Variants in CACNA2D2 observed in about 807,000 individuals in gnomAD.
CACNA2D2 encodes the protein calcium voltage-gated channel auxiliary subunit alpha2delta 2.
Under a neutral mutation model 166.4 loss-of-function variants are expected in CACNA2D2, and 48 were observed. That is an observed-to-expected ratio of 0.29 (90% CI 0.23 to 0.37). The LOEUF is 0.37. CACNA2D2 is among the 10% of genes least tolerant of loss of function. The pLI is 1.00. For synonymous variants in CACNA2D2, 561 were observed against 573.7 expected (o/e 0.98, Z 0.32); for missense variants, 1,122 against 1,433.0 (o/e 0.78, Z 3.50).
intron 2 of CACNA2D2, among the ~76,000 whole-genome samples, chr3:50,468,349 C>T (rs1359452068): frequency 6.8e-6 from 1 of 146,350 alleles, no homozygotes; most frequent in East Asian, 2.1e-4. Flanking sequence ...CCCTAGGGAC[C>T]TCTGAAGAGA....
Position 50,381,269 on chromosome 3 carries a change from C to T in CACNA2D2, c.653-143G>A, listed in dbSNP as rs940355406. 11 of 892,470 alleles carry T rather than the reference C, an allele frequency of 1.2e-5. No individual in the cohort carries two copies. In the Admixed American group the frequency reaches 2.5e-4, roughly 20 times the overall value. The allele number at this position is 892,470 out of a possible 1,614,324, so 55.3% of individuals were successfully genotyped here. ...CCAGGCCCTCCCTATTTCCTAGGGC[C>T]CAGCTGGGGCTGCCCCAGCTCCTCC... On this transcript the variant is annotated intron_variant, in intron 6 of 37. Coordinates refer to ENST00000424201, the MANE Select transcript of CACNA2D2 (RefSeq NM_006030.4).
chr3:50,461,831 G>T (rs1709599692), intron 2 of CACNA2D2, among the ~76,000 whole-genome samples: 1 of 152,056 alleles, frequency 6.6e-6, no homozygotes, highest in African/African-American at 2.4e-5. Flanking sequence ...TGAGGGAGAA[G>T]TCTAAGGAAG....
At chr3:50,440,428 C>A (rs1250392111) in intron 2 of CACNA2D2, among the ~76,000 whole-genome samples, 4 of 152,274 alleles carry the variant, frequency 2.6e-5, no homozygotes, top group Admixed American at 6.5e-5. Context: ...CCATCCCAGG[C>A]GGGGTGGCCC....
chr3:50,386,579 C>T (rs991168181), intron 5 of CACNA2D2, among the ~76,000 whole-genome samples: 4 of 152,222 alleles, frequency 2.6e-5, no homozygotes, highest in Non-Finnish European at 4.4e-5. Context: ...CGCTCCGTCT[C>T]GGGCCCTGTG....
At chr3:50,383,150 T>C (rs1000417108) in intron 6 of CACNA2D2, among the ~76,000 whole-genome samples, 1 of 152,198 alleles carries the variant, frequency 6.6e-6, no homozygotes, top group Non-Finnish European at 1.5e-5. Flanking sequence ...GCTCCTGTTT[T>C]AATTAGTGTG....
chr3:50,394,087 G>T (rs1706021251), intron 4 of CACNA2D2, 22 bp downstream of exon 4: 2 of 1,612,392 alleles, frequency 1.2e-6, no homozygotes, highest in Non-Finnish European at 1.7e-6. Flanking sequence ...CTAAGTGCTG[G>T]GCAGGGTGCT....
At chr3:50,474,821 C>T (rs560869373) in intron 2 of CACNA2D2, among the ~76,000 whole-genome samples, 14 of 152,314 alleles carry the variant, frequency 9.2e-5, no homozygotes, top group East Asian at 5.8e-4. Context: ...ACTCCTGTTC[C>T]GGAACAGCTT....
chr3:50,467,746 C>T (rs72938712), intron 2 of CACNA2D2, among the ~76,000 whole-genome samples: 4,911 of 152,302 alleles, frequency 0.032, 257 homozygotes, highest in African/African-American at 0.11. Flanking sequence ...GTCTCTCCCC[C>T]TCTCCATGGA....
In CACNA2D2 at chr3:50,366,925, G is replaced by C; in HGVS notation, c.2501-6C>G. 1 of 1,613,760 alleles carries C rather than the reference G, an allele frequency of 6.2e-7. No individual in the cohort carries two copies. Among genetic ancestry groups the C allele is most frequent in the East Asian group, 2.2e-5 (1 of 44,882 alleles). On this transcript the variant is annotated splice_region_variant and splice_polypyrimidine_tract_variant and intron_variant, in intron 28 of 37. Transcript: ENST00000424201. This position sits in a 1 kb window ranked among gnomAD's most constrained non-coding sequence, Gnocchi z 5.9. ...GTCCAGCTTGACGCCCACCACTTTG[G>C]GGGAGAGCAAGGGACCATCAGTGCT...
chr3:50,431,825 A>T (rs1472822946), intron 3 of CACNA2D2, among the ~76,000 whole-genome samples: 1 of 151,988 alleles, frequency 6.6e-6, no homozygotes. Flanking sequence ...TCTCTACTAA[A>T]AATACATAAA....
chr3:50,478,359 T>A (rs1179966708), intron 1 of CACNA2D2, among the ~76,000 whole-genome samples: 1 of 152,200 alleles, frequency 6.6e-6, no homozygotes, highest in African/African-American at 2.4e-5. Context: ...CCCTGGGGGC[T>A]AATGTTGGGA....
rs763616579 is a variant in CACNA2D2 at position 50,379,874 on chromosome 3, T to C, written c.894-50A>G. ...GGAGGAGCCAGGGGAACCTCACGTG[T>C]TCTCCTGCCCATCCCCCAAGATGTT... On this transcript the variant is annotated intron_variant, in intron 9 of 37. Coordinates refer to ENST00000424201, the MANE Select transcript of CACNA2D2 (RefSeq NM_006030.4). The surrounding 1 kb of genome is among the most constrained non-coding windows in gnomAD (Gnocchi z 6.5). 3.1e-6 allele frequency: 5 copies of C among 1,612,118 alleles called. No homozygotes were observed. In the Admixed American group the frequency reaches 6.7e-5, roughly 21 times the overall value.
At chr3:50,483,204 G>T (rs2107123897) in intron 1 of CACNA2D2, among the ~76,000 whole-genome samples, 1 of 152,290 alleles carries the variant, frequency 6.6e-6, no homozygotes, top group East Asian at 1.9e-4. Context: ...TTCAGTTGAA[G>T]GGACCCTAGA....
At chr3:50,384,562 C>A (rs1272024790) in intron 5 of CACNA2D2, among the ~76,000 whole-genome samples, 1 of 151,954 alleles carries the variant, frequency 6.6e-6, no homozygotes, top group Admixed American at 6.6e-5. Flanking sequence ...CCCCTGCCCA[C>A]CCCACCCATC....
rs1458547411 is a variant in CACNA2D2, at chr3:50,364,583, A to C, written c.*83T>G. ...TTCAGTGAGGGAGGGACGAGGCTCTAAGGCGGGGAGTGTGGGGCAGGAGGG... is the reference window on the plus strand; with the variant it reads ...TTCAGTGAGGGAGGGACGAGGCTCTCAGGCGGGGAGTGTGGGGCAGGAGGG... On this transcript the variant is annotated 3_prime_UTR_variant, in exon 38 of 38. Coordinates refer to ENST00000424201, the MANE Select transcript of CACNA2D2 (RefSeq NM_006030.4). 4.3e-6 allele frequency: 6 copies of C among 1,406,006 alleles called. No individual in the cohort carries two copies. The highest frequency in any genetic ancestry group is 5.6e-6 in the Non-Finnish European group (6 of 1,068,744). The allele number at this position is 1,406,006 out of a possible 1,614,324, so 87.1% of individuals were successfully genotyped here.
intron 3 of CACNA2D2, among the ~76,000 whole-genome samples, chr3:50,398,242 G>T (rs1706259728): frequency 1.3e-5 from 2 of 152,022 alleles, no homozygotes; most frequent in Non-Finnish European, 2.9e-5. Flanking sequence ...GTGGTTCCTT[G>T]CTTGGGCTCT....
At chr3:50,420,558 T>C (rs1284893228) in intron 3 of CACNA2D2, among the ~76,000 whole-genome samples, 1 of 152,188 alleles carries the variant, frequency 6.6e-6, no homozygotes, top group Non-Finnish European at 1.5e-5. Context: ...ACATACCCTG[T>C]GCATAGTCCA....
At chr3:50,501,839 C>G (rs987726867) in intron 1 of CACNA2D2, among the ~76,000 whole-genome samples, 1 of 152,314 alleles carries the variant, frequency 6.6e-6, no homozygotes, top group East Asian at 1.9e-4. Flanking sequence ...AACGCATCCA[C>G]CAGCCCTGAA....
At chr3:50,482,228 C>T (rs916462535) in intron 1 of CACNA2D2, among the ~76,000 whole-genome samples, 4 of 152,180 alleles carry the variant, frequency 2.6e-5, no homozygotes, top group Admixed American at 6.5e-5. Flanking sequence ...CTGGTCCCTC[C>T]CCTAGGCCCT....
Sources: allele counts gnomAD v4.1 joint callset (sites outside exome capture counted in the v4.1 genomes callset), GRCh38; gene constraint gnomAD v4.1.1; non-coding constraint Gnocchi (gnomAD v3.1); transcripts MANE v1.5; gene names NCBI Gene and HGNC (gene_info 2026-07-23, HGNC 2026-07-21).